The following UNC13C variants were observed in gnomAD, a reference collection of about 807,000 sequenced individuals.
UNC13C encodes the protein unc-13 homolog C.
A neutral mutation model predicts 245.4 loss-of-function variants in UNC13C; 174 were observed. The observed-to-expected ratio is 0.71, with a 90% CI of 0.63 to 0.80. The LOEUF is 0.80. Among genes scored for constraint, UNC13C ranks in the 30% least tolerant of loss-of-function variants. The pLI, the probability that UNC13C is intolerant of heterozygous loss-of-function variation, is 0.00. For missense variants in UNC13C, 2,829 were observed against 2,602.9 expected, an observed-to-expected ratio of 1.09 and a Z score of -1.89; for synonymous variants, 992 against 895.1, an observed-to-expected ratio of 1.11 and a Z score of -1.93.
chr15:53,871,438 T>C, the UNC13C span, among the ~76,000 whole-genome samples: 8 of 152,230 alleles, frequency 5.3e-5, no homozygotes, highest in Non-Finnish European at 1.5e-5. Flanking sequence ...CTAAGCTGGC[T>C]GATCACTTCC....
intron 7 of UNC13C, among the ~76,000 whole-genome samples, chr15:54,246,579 A>G (rs1398685253): frequency 6.6e-6 from 1 of 152,212 alleles, no homozygotes; most frequent in Non-Finnish European, 1.5e-5. Flanking sequence ...TACAATGAGC[A>G]TGCACTTTAT....
rs558487650 is a variant in UNC13C, at chr15:54,367,188, C to T, written c.4714-25860C>T. ...ATAAAACAGAAGAAATATGCCAACC[C>T]CTACACACTTTATATTCCAAACCAA... is the stretch of plus-strand genomic sequence containing the variant. On this transcript the variant is annotated intron_variant, in intron 17 of 32. Transcript: ENST00000260323. Among the ~76,000 whole-genome samples the T allele has an allele frequency of 3.0e-4, 45 of 152,200 alleles. 2 individuals carry two copies. Among genetic ancestry groups the T allele is most frequent in the Admixed American group, 2.7e-3 (41 of 15,286 alleles).
intron 17 of UNC13C, among the ~76,000 whole-genome samples, chr15:54,369,811 A>C (rs2140880620): frequency 6.6e-6 from 1 of 152,254 alleles, no homozygotes; most frequent in Admixed American, 6.5e-5. Flanking sequence ...AAGAAAAACC[A>C]AAAGGGTATG....
chr15:54,194,771 A>G (rs1567086604), intron 4 of UNC13C, among the ~76,000 whole-genome samples: 1 of 152,210 alleles, frequency 6.6e-6, no homozygotes, highest in Admixed American at 6.6e-5. Flanking sequence ...AGCCAGACAG[A>G]CAGGTCTACA....
chr15:53,888,649 C>A, the UNC13C span, among the ~76,000 whole-genome samples: 3 of 152,064 alleles, frequency 2.0e-5, no homozygotes, highest in African/African-American at 4.8e-5. Flanking sequence ...AATGGCATTG[C>A]CTATGTTTTC....
At chr15:54,236,493 C>T (rs2035704301) in intron 6 of UNC13C, 58 bp downstream of exon 6, 1 of 1,366,302 alleles carries the variant, frequency 7.3e-7, no homozygotes, top group Non-Finnish European at 1.0e-6. Flanking sequence ...ACATACACTG[C>T]ACTTACTCAT....
intron 8 of UNC13C, among the ~76,000 whole-genome samples, chr15:54,255,145 G>T (rs1596091590): frequency 6.6e-6 from 1 of 152,076 alleles, no homozygotes; most frequent in South Asian, 2.1e-4. Context: ...ATATGTTACA[G>T]GGTGCTCTTT....
At chr15:54,453,689 AT>A (rs1891311003) in intron 19 of UNC13C, among the ~76,000 whole-genome samples, 1 of 152,198 alleles carries the variant, frequency 6.6e-6, no homozygotes, top group South Asian at 2.1e-4. Flanking sequence ...ATATTGACAA[AT>A]TTTTTTCTGA....
chr15:54,037,572 AT>A (rs1228194684), intron 2 of UNC13C, among the ~76,000 whole-genome samples: 19 of 139,848 alleles, frequency 1.4e-4, no homozygotes, highest in African/African-American at 6.1e-4. Flanking sequence ...ATTTATATAT[AT>A]TTTTTTAAAT....
At position 54,109,972 on chromosome 15, in the gene UNC13C, C is replaced by G. The variant is rs187242517; in HGVS notation, c.2984-33046C>G. 5.9e-5 allele frequency among the ~76,000 whole-genome samples: 9 copies of G among 152,116 alleles called. No homozygotes were observed. The East Asian group carries it at 1.5e-3, about 26-fold the overall frequency. Reference sequence around the variant, plus strand: ...ATCATTTCCAGCTATTGTTGCAGGTCCTTCTGTTTAAAGTATAAATATTGG... The same window carrying G: ...ATCATTTCCAGCTATTGTTGCAGGTGCTTCTGTTTAAAGTATAAATATTGG... On this transcript the variant is annotated intron_variant, in intron 2 of 32. Coordinates refer to ENST00000260323, the MANE Select transcript of UNC13C (RefSeq NM_001080534.3).
intron 17 of UNC13C, among the ~76,000 whole-genome samples, chr15:54,361,959 A>G (rs1249770329): frequency 6.6e-6 from 1 of 152,174 alleles, no homozygotes; most frequent in East Asian, 1.9e-4. Context: ...TAATTCCAAC[A>G]TTTTAGTTAT....
At chr15:54,614,183 CT>C (rs1458843275) in intron 30 of UNC13C, among the ~76,000 whole-genome samples, 1 of 151,898 alleles carries the variant, frequency 6.6e-6, no homozygotes, top group Non-Finnish European at 1.5e-5. Flanking sequence ...AATTGAAAAG[CT>C]TTCTTTCTAG....
intron 4 of UNC13C, among the ~76,000 whole-genome samples, chr15:54,200,058 T>C (rs561699460): frequency 2.7e-5 from 4 of 147,506 alleles, no homozygotes; most frequent in African/African-American, 9.8e-5. Context: ...AAACAAACTT[T>C]AAAGCAATAG....
intron 2 of UNC13C, among the ~76,000 whole-genome samples, chr15:54,142,414 A>G (rs747904050): frequency 5.9e-5 from 9 of 152,220 alleles, no homozygotes; most frequent in Non-Finnish European, 1.3e-4. Context: ...TTGTGATCTT[A>G]ATCAAGTCAC....
At chr15:54,462,483 C>T (rs12592236) in intron 19 of UNC13C, among the ~76,000 whole-genome samples, 62,378 of 151,896 alleles carry the variant, frequency 0.41, 13,115 homozygotes, top group East Asian at 0.62. Context: ...ACCGGGGCTA[C>T]GCACTGCACT....
At chr15:53,923,973 G>A in the UNC13C span, among the ~76,000 whole-genome samples, 1 of 152,226 alleles carries the variant, frequency 6.6e-6, no homozygotes, top group Non-Finnish European at 1.5e-5. Flanking sequence ...TTGGGAGGCT[G>A]AGGAAGGCAG....
intron 32 of UNC13C, 98 bp from the exon 33 acceptor site, chr15:54,626,730 G>A (rs1406456327): frequency 2.3e-5 from 25 of 1,082,306 alleles, no homozygotes; most frequent in African/African-American, 3.1e-5. Context: ...ATAATAATCA[G>A]ATCCAATGTA....
chr15:53,957,685 G>A, the UNC13C span, among the ~76,000 whole-genome samples: 1 of 152,256 alleles, frequency 6.6e-6, no homozygotes, highest in South Asian at 2.1e-4. Context: ...ACCAATTTCT[G>A]TTGTTTTTGT....
chr15:54,158,598 T>A (rs923588767), intron 4 of UNC13C, among the ~76,000 whole-genome samples: 1 of 152,110 alleles, frequency 6.6e-6, no homozygotes, highest in Non-Finnish European at 1.5e-5. Flanking sequence ...GGATTACAGG[T>A]GTGAGCCACT....
Sources: gnomAD v4.1 joint callset for allele counts (sites outside exome capture counted in the v4.1 genomes callset) on GRCh38, gnomAD v4.1.1 for gene constraint, MANE v1.5 for transcripts, NCBI Gene and HGNC (gene_info 2026-07-23, HGNC 2026-07-21) for gene names.